DHX57: variants seen among roughly 807,000 people sequenced by gnomAD.
DHX57 encodes the protein putative ATP-dependent RNA helicase DHX57.
DHX57 carries 105 observed loss-of-function variants against 156.2 expected under a neutral mutation model. That is an observed-to-expected ratio of 0.67 (90% CI 0.57 to 0.79). DHX57 has a LOEUF of 0.79. DHX57 is among the 30% of genes least tolerant of loss of function. DHX57 has a pLI of 0.00. For missense variants in DHX57, 1,847 were observed against 1,661.9 expected (o/e 1.11, Z -1.94); for synonymous variants, 704 against 595.6 (o/e 1.18, Z -2.65).
At chr2:38,860,469 G>T (rs1431600830) in intron 5 of DHX57, among the ~76,000 whole-genome samples, 2 of 151,898 alleles carry the variant, frequency 1.3e-5, no homozygotes, top group African/African-American at 4.8e-5. Flanking sequence ...AAAATAAAAA[G>T]AATTTGCACA....
chr2:38,846,616 CAA>C (rs11377588), intron 11 of DHX57, among the ~76,000 whole-genome samples: 22 of 113,746 alleles, frequency 1.9e-4, no homozygotes, highest in Middle Eastern at 5.9e-3. Context: ...GACTCTATCT[CAA>C]AAAAAAAAAA....
chr2:38,847,573 T>G (rs1220894574), intron 10 of DHX57, among the ~76,000 whole-genome samples: 3 of 152,212 alleles, frequency 2.0e-5, no homozygotes, highest in Non-Finnish European at 4.4e-5. Context: ...ACTGTGGAAG[T>G]GCCCAAAGAA....
chr2:38,820,264 C>A (rs1480818778), intron 17 of DHX57, among the ~76,000 whole-genome samples: 2 of 152,008 alleles, frequency 1.3e-5, no homozygotes, highest in Non-Finnish European at 2.9e-5. Flanking sequence ...TTTACAGAGT[C>A]CAGCAAAGGG....
chr2:38,866,379 G>T (rs901628657), intron 2 of DHX57, among the ~76,000 whole-genome samples: 1 of 152,072 alleles, frequency 6.6e-6, no homozygotes, highest in Non-Finnish European at 1.5e-5. Context: ...TCTTCCCTCT[G>T]CCTTGAATGC....
intron 14 of DHX57, 62 bp from the exon 15 acceptor site, chr2:38,826,751 A>G (rs1040497759): frequency 1.3e-6 from 2 of 1,547,856 alleles, no homozygotes; most frequent in Admixed American, 3.8e-5. Context: ...AGATTACAGT[A>G]GGTGAATTTC....
At position 38,798,294 on chromosome 2, in the gene DHX57, G is replaced by C. The variant is rs755982099; in HGVS notation, c.*5C>G. The C allele has an allele frequency of 6.2e-7, 1 of 1,611,326 alleles. No individual in the cohort carries two copies. The highest frequency in any genetic ancestry group is 1.3e-5 in the African/African-American group (1 of 74,810). On this transcript the variant is annotated 3_prime_UTR_variant, in exon 24 of 24. Coordinates refer to ENST00000457308, the MANE Select transcript of DHX57 (RefSeq NM_198963.3). Reference sequence around the variant, plus strand: ...TGAGTAGCAAGCACTCTCTAAGACTGCTTTTTATTGTGTGGTGACAAGTTT... The same window carrying C: ...TGAGTAGCAAGCACTCTCTAAGACTCCTTTTTATTGTGTGGTGACAAGTTT...
chr2:38,854,973 C>T (rs759602791), intron 8 of DHX57, 84 bp downstream of exon 8: 3 of 1,363,418 alleles, frequency 2.2e-6, no homozygotes, highest in Non-Finnish European at 2.1e-6. Flanking sequence ...TCCCAAATTG[C>T]CCATGAATCT....
intron 17 of DHX57, 31 bp downstream of exon 17, chr2:38,822,962 A>G (rs771817085): frequency 1.9e-6 from 3 of 1,605,522 alleles, no homozygotes; most frequent in Non-Finnish European, 2.6e-6. Flanking sequence ...CCTCTTAGAG[A>G]CTCCAGTTTA....
chr2:38,852,575 T>C (rs1244857435), intron 9 of DHX57, among the ~76,000 whole-genome samples: 1 of 151,442 alleles, frequency 6.6e-6, no homozygotes, highest in Non-Finnish European at 1.5e-5. Flanking sequence ...TTCCTGGCCC[T>C]CCTCAGTACT....
chr2:38,819,167 A>C, intron 17 of DHX57, 23 bp from the exon 18 acceptor site: 13 of 1,604,170 alleles, frequency 8.1e-6, no homozygotes, highest in Non-Finnish European at 1.1e-5. Flanking sequence ...GGAAAATCAG[A>C]TTTAAAGAAC....
intron 19 of DHX57, 77 bp downstream of exon 19, chr2:38,818,800 C>T: frequency 6.7e-7 from 1 of 1,492,380 alleles, no homozygotes; most frequent in Non-Finnish European, 9.3e-7. Context: ...AGACAGGACA[C>T]ATGAGACAAA....
intron 11 of DHX57, among the ~76,000 whole-genome samples, chr2:38,846,396 G>A (rs540189292): frequency 6.6e-6 from 1 of 152,084 alleles, no homozygotes; most frequent in African/African-American, 2.4e-5. Context: ...CAAGGCAGGA[G>A]GACTGCTTGA....
At position 38,854,206 on chromosome 2, in the gene DHX57, A is replaced by G. The variant is rs758176449; in HGVS notation, c.1906-28T>C. ...TACACATGAAAGGGCAATATAAATC[A>G]TTAATAAAATTTTCAAAAAAAGGAA... is the stretch of plus-strand genomic sequence containing the variant. On this transcript the variant is annotated intron_variant, in intron 8 of 23. Transcript: ENST00000457308. The G allele has an allele frequency of 5.7e-5, 91 of 1,599,574 alleles. 4 individuals carry two copies. In the South Asian group the frequency reaches 9.9e-4, roughly 17 times the overall value.
intron 7 of DHX57, 48 bp downstream of exon 7, chr2:38,856,292 T>A (rs753940493): frequency 1.3e-6 from 2 of 1,580,192 alleles, no homozygotes; most frequent in Non-Finnish European, 8.6e-7. Flanking sequence ...CCAGGGTGCA[T>A]ATAATATTTA....
intron 22 of DHX57, 65 bp from the exon 23 acceptor site, chr2:38,802,980 A>AGTCCCAC: frequency 6.3e-7 from 1 of 1,575,688 alleles, no homozygotes; most frequent in East Asian, 2.2e-5. Flanking sequence ...ACAACCCCCC[A>AGTCCCAC]GTCCCACGGA....
At chr2:38,841,813 A>C (rs910099545) in intron 12 of DHX57, among the ~76,000 whole-genome samples, 7 of 152,230 alleles carry the variant, frequency 4.6e-5, no homozygotes, top group African/African-American at 1.7e-4. Flanking sequence ...ATAGAAGACC[A>C]CATAGGAACA....
At chr2:38,804,935 T>C (rs1238374666) in intron 22 of DHX57, among the ~76,000 whole-genome samples, 3 of 152,224 alleles carry the variant, frequency 2.0e-5, no homozygotes, top group Non-Finnish European at 4.4e-5. Context: ...CCTGAGATTC[T>C]GTTTACTTAT....
At chr2:38,855,945 C>A (rs1466608858) in intron 7 of DHX57, among the ~76,000 whole-genome samples, 1 of 152,036 alleles carries the variant, frequency 6.6e-6, no homozygotes, top group Non-Finnish European at 1.5e-5. Flanking sequence ...TAAAAACACA[C>A]AAAAATTAGT....
chr2:38,827,794 C>T (rs1042816654), intron 14 of DHX57, among the ~76,000 whole-genome samples: 4 of 151,950 alleles, frequency 2.6e-5, no homozygotes, highest in Non-Finnish European at 5.9e-5. Context: ...CCCCCACCTT[C>T]CCCCACTATC....
Sources: allele counts gnomAD v4.1 joint callset (sites outside exome capture counted in the v4.1 genomes callset), GRCh38; gene constraint gnomAD v4.1.1; transcripts MANE v1.5; gene names NCBI Gene and HGNC (gene_info 2026-07-23, HGNC 2026-07-21).